Variants in EML4 observed in about 807,000 individuals in gnomAD.
EML4 encodes the protein EMAP like 4.
A neutral mutation model predicts 129.0 loss-of-function variants in EML4; 72 were observed. That is an observed-to-expected ratio of 0.56 (90% CI 0.46 to 0.68). The LOEUF is 0.68. Among genes scored for constraint, EML4 ranks in the 30% least tolerant of loss-of-function variants. EML4 has a pLI of 0.00. For missense variants in EML4, 1,363 were observed against 1,190.6 expected (o/e 1.14, Z -2.13); for synonymous variants, 532 against 405.0 (o/e 1.31, Z -3.77).
At chr2:42,224,871 A>T (rs1486224556) in intron 1 of EML4, among the ~76,000 whole-genome samples, 1 of 152,066 alleles carries the variant, frequency 6.6e-6, no homozygotes, top group Non-Finnish European at 1.5e-5. Context: ...CATCACCCGT[A>T]TGTTTTCAGA....
chr2:42,299,212 C>T (rs192252037), intron 13 of EML4, among the ~76,000 whole-genome samples: 1 of 152,316 alleles, frequency 6.6e-6, no homozygotes, highest in East Asian at 1.9e-4. Flanking sequence ...TTTCCTGTCT[C>T]CCTGCCATAT....
At chr2:42,172,272 C>G (rs897119321) in intron 1 of EML4, among the ~76,000 whole-genome samples, 1 of 152,004 alleles carries the variant, frequency 6.6e-6, no homozygotes, top group Non-Finnish European at 1.5e-5. Context: ...TCAGAGAATC[C>G]TATGGTGACT....
chr2:42,288,336 A>T lies in EML4; in HGVS notation c.1218+14A>T. On this transcript the variant is annotated intron_variant, in intron 11 of 22. Coordinates refer to ENST00000318522, the MANE Select transcript of EML4 (RefSeq NM_019063.5). Reference sequence around the variant, plus strand: ...GCAGAAATAAAGGTAAATTTTTAAAAAACCGAGTATTGTGTTTTAGAGTAC... The same window carrying T: ...GCAGAAATAAAGGTAAATTTTTAAATAACCGAGTATTGTGTTTTAGAGTAC... 7.5e-7 allele frequency: 1 copy of T among 1,333,118 alleles called. No homozygotes were observed. The highest frequency in any genetic ancestry group is 1.2e-5 in the South Asian group (1 of 82,518). The allele number at this position is 1,333,118 out of a possible 1,614,324, so 82.6% of individuals were successfully genotyped here. A position where few individuals can be genotyped will look rare whatever the true frequency, so the allele number is the denominator to read the frequency against.
chr2:42,219,627 C>G (rs1055929063), intron 1 of EML4, among the ~76,000 whole-genome samples: 2 of 152,016 alleles, frequency 1.3e-5, no homozygotes, highest in African/African-American at 4.8e-5. Context: ...GCATTGAAAA[C>G]CCCTTTCTGG....
At chr2:42,183,603 C>G (rs953901592) in intron 1 of EML4, among the ~76,000 whole-genome samples, 1 of 152,098 alleles carries the variant, frequency 6.6e-6, no homozygotes, top group Admixed American at 6.5e-5. Context: ...GTATAAAATA[C>G]ACATATGCTT....
At chr2:42,196,450 C>T (rs1296964670) in intron 1 of EML4, among the ~76,000 whole-genome samples, 1 of 152,140 alleles carries the variant, frequency 6.6e-6, no homozygotes, top group African/African-American at 2.4e-5. Context: ...TTTAGACTGT[C>T]TGATAACAGC....
intron 17 of EML4, among the ~76,000 whole-genome samples, chr2:42,314,408 T>A (rs1669122051): frequency 6.6e-6 from 1 of 152,132 alleles, no homozygotes; most frequent in African/African-American, 2.4e-5. Flanking sequence ...CATGAATGAA[T>A]TTTTAGTAAC....
In EML4 at chr2:42,295,446, A is replaced by G; in HGVS notation, c.1419A>G (p.Gly473=). 1 of 1,613,864 alleles carries G rather than the reference A, an allele frequency of 6.2e-7. No homozygotes were observed. Among genetic ancestry groups the G allele is most frequent in the Non-Finnish European group, 8.5e-7 (1 of 1,179,780 alleles). ...AFLGNGDVLT[G]DSGGVMLIWS... is the part of the protein sequence containing the mutation. ...TGGGGAATGGAGATGTTCTTACTGGAGACTCAGGTGGAGTCATGCTTATAT... is the reference window on the plus strand; with the variant it reads ...TGGGGAATGGAGATGTTCTTACTGGGGACTCAGGTGGAGTCATGCTTATAT... The change falls in exon 13 of 23, where the codon GGA becomes GGG. Residue 473 remains glycine, a synonymous_variant. Transcript: ENST00000318522.
chr2:42,326,208 T>C lies in EML4; in HGVS notation c.2297T>C (p.Ile766Thr), dbSNP rs766681655. 2 of 1,613,870 alleles carry C rather than the reference T, an allele frequency of 1.2e-6. No homozygotes were observed. Among genetic ancestry groups the C allele is most frequent in the Non-Finnish European group, 1.7e-6 (2 of 1,179,836 alleles). Residue 766 changes from isoleucine (I) to threonine (T), a missense_variant, in exon 21 of 23, where the codon ATT becomes ACT. By Grantham distance (89) the Ile-to-Thr change is moderately conservative (BLOSUM62 -1). Transcript: ENST00000318522. The part of the protein sequence containing the change: ...LIRNRSDCKD[I>T]DWTTYTCVLG... ...AGGAATCGATCGGATTGTAAGGACATTGATTGGACGACATATACCTGTGTG... is the reference window on the plus strand; with the variant it reads ...AGGAATCGATCGGATTGTAAGGACACTGATTGGACGACATATACCTGTGTG...
chr2:42,232,885 C>T (rs1270070422), intron 1 of EML4, among the ~76,000 whole-genome samples: 1 of 152,034 alleles, frequency 6.6e-6, no homozygotes, highest in South Asian at 2.1e-4. Flanking sequence ...CCACAACGCG[C>T]GGCTAATTTT....
intron 11 of EML4, among the ~76,000 whole-genome samples, chr2:42,290,226 G>T (rs949734596): frequency 2.6e-5 from 4 of 152,132 alleles, no homozygotes; most frequent in Non-Finnish European, 4.4e-5. Context: ...CCGGATTACG[G>T]GTTGACTGTC....
chr2:42,303,356 C>G lies in EML4; in HGVS notation c.1809C>G (p.Phe603Leu), dbSNP rs371924029. ...DELWGLATHP[F>L]KDLLLTCAQD... Reference sequence around the variant, plus strand: ...TTTGGGGTCTTGCCACACATCCCTTCAAAGATTTGCTCTTGACATGTGCTC... The same window carrying G: ...TTTGGGGTCTTGCCACACATCCCTTGAAAGATTTGCTCTTGACATGTGCTC... Residue 603 changes from phenylalanine to leucine, a missense_variant, in exon 16 of 23, where the codon TTC (phenylalanine) becomes TTG (leucine). Coordinates refer to ENST00000318522, the MANE Select transcript of EML4 (RefSeq NM_019063.5). The G allele has an allele frequency of 2.5e-6, 4 of 1,614,136 alleles. No homozygotes were observed. Among genetic ancestry groups the G allele is most frequent in the Non-Finnish European group, 3.4e-6 (4 of 1,180,020 alleles).
At chr2:42,308,474 C>T (rs969767361) in intron 17 of EML4, among the ~76,000 whole-genome samples, 3 of 152,120 alleles carry the variant, frequency 2.0e-5, no homozygotes, top group Non-Finnish European at 4.4e-5. Flanking sequence ...CACGCCATTG[C>T]ACACCAGCCT....
At chr2:42,264,105 T>TTTTG (rs780159058) in intron 5 of EML4, among the ~76,000 whole-genome samples, 3 of 21,124 alleles carry the variant, frequency 1.4e-4, no homozygotes, top group Non-Finnish European at 2.2e-4. Flanking sequence ...CAATACGTGT[T>TTTTG]TTTTTTTTTT....
At chr2:42,222,305 A>G (rs1041873431) in intron 1 of EML4, among the ~76,000 whole-genome samples, 1 of 152,144 alleles carries the variant, frequency 6.6e-6, no homozygotes, top group African/African-American at 2.4e-5. Context: ...GGGTTGACAA[A>G]CTTTAGCACT....
At chr2:42,192,245 G>A (rs562475949) in intron 1 of EML4, among the ~76,000 whole-genome samples, 4 of 145,510 alleles carry the variant, frequency 2.7e-5, no homozygotes, top group African/African-American at 1.0e-4. Flanking sequence ...TTTTTTTTTG[G>A]GGGGGGGAGG....
At chr2:42,248,453 T>C (rs1052963677) in intron 2 of EML4, among the ~76,000 whole-genome samples, 1 of 152,184 alleles carries the variant, frequency 6.6e-6, no homozygotes, top group Non-Finnish European at 1.5e-5. Context: ...TGTCATGAAA[T>C]ATAAATACAG....
At chr2:42,170,297 G>A (rs907999666) in intron 1 of EML4, 4 of 152,298 alleles carry the variant, frequency 2.6e-5, no homozygotes, top group African/African-American at 9.6e-5. Context: ...ATGCAGGAAA[G>A]GAAGAGGTGC....
intron 1 of EML4, among the ~76,000 whole-genome samples, chr2:42,171,083 T>TG (rs2103775500): frequency 1.3e-5 from 2 of 152,360 alleles, no homozygotes; most frequent in South Asian, 4.1e-4. Flanking sequence ...TGTTGTCCAT[T>TG]ATCTAACCTT....
Sources: allele counts gnomAD v4.1 joint callset (sites outside exome capture counted in the v4.1 genomes callset), GRCh38; gene constraint gnomAD v4.1.1; transcripts MANE v1.5; gene names NCBI Gene and HGNC (gene_info 2026-07-23, HGNC 2026-07-21).